The following RARB variants were observed in gnomAD, a reference collection of about 807,000 sequenced individuals.
RARB encodes the protein HBV-activated protein.
A neutral mutation model predicts 51.9 loss-of-function variants in RARB; 17 were observed. The observed-to-expected ratio is 0.33, with a 90% CI of 0.22 to 0.49. The LOEUF is 0.49. RARB is among the 20% of genes least tolerant of loss of function. The probability of loss-of-function intolerance (pLI) is 0.99; values close to 1 mark genes in which losing one functional copy is unlikely to be tolerated. For missense variants in RARB, 369 were observed against 550.8 expected (o/e 0.67, Z 3.30); for synonymous variants, 215 against 195.4 (o/e 1.10, Z -0.84).
At chr3:25,366,961 A>G (rs1306853744) in intron 5 of RARB, among the ~76,000 whole-genome samples, 1 of 152,098 alleles carries the variant, frequency 6.6e-6, no homozygotes, top group Non-Finnish European at 1.5e-5. Context: ...CAACAGGCAG[A>G]ATGTCGTAAA....
chr3:25,451,654 A>C (rs1378317653), intron 1 of RARB, among the ~76,000 whole-genome samples: 1 of 152,224 alleles, frequency 6.6e-6, no homozygotes, highest in Non-Finnish European at 1.5e-5. Flanking sequence ...ATCTTAGACG[A>C]GTGGCAAGGT....
intron 5 of RARB, among the ~76,000 whole-genome samples, chr3:25,196,393 C>T (rs1394619750): frequency 6.6e-6 from 1 of 152,150 alleles, no homozygotes; most frequent in Non-Finnish European, 1.5e-5. Flanking sequence ...CTACAAAAGA[C>T]ATTAACTCAT....
intron 5 of RARB, among the ~76,000 whole-genome samples, chr3:25,387,521 T>G (rs78590340): frequency 0.014 from 2,064 of 152,276 alleles, 55 homozygotes; most frequent in African/African-American, 0.047. Context: ...TTTTATAGTA[T>G]TCTTCTCTTA....
intron 5 of RARB, among the ~76,000 whole-genome samples, chr3:25,211,973 T>G (rs1701709669): frequency 6.6e-6 from 1 of 152,178 alleles, no homozygotes; most frequent in Admixed American, 6.5e-5. Flanking sequence ...GCCAATAATA[T>G]AAGGTCTATC....
Position 24,840,793 on chromosome 3 carries a change from G to A in RARB, c.-459+11390G>A, listed in dbSNP as rs192396050. On this transcript the variant is annotated intron_variant, in intron 1 of 11. Transcript: ENST00000383772. Reference sequence around the variant, plus strand: ...TGCAAAGATGACTTGGAGCACAAATGTAAAGATAACATTGAGCACAACCAC... The same window carrying A: ...TGCAAAGATGACTTGGAGCACAAATATAAAGATAACATTGAGCACAACCAC... Among the ~76,000 whole-genome samples the A allele has an allele frequency of 1.3e-4, 18 of 140,416 alleles. No individual in the cohort carries two copies. In the East Asian group the frequency reaches 3.6e-3, roughly 28 times the overall value. 92.1% of individuals were successfully genotyped at this position (140,416 alleles called of 152,430 possible).
chr3:25,554,673 G>T (rs865797329), intron 3 of RARB, among the ~76,000 whole-genome samples: 110 of 152,254 alleles, frequency 7.2e-4, no homozygotes, highest in African/African-American at 2.6e-3. Context: ...AGTTGCATAG[G>T]TTCGGCCTTA....
rs1058378 is a variant in RARB at position 25,597,903 on chromosome 3, T to A, written c.*1287T>A. 1 of 153,192 alleles carries A rather than the reference T, an allele frequency of 6.5e-6. No homozygotes were observed. The highest frequency in any genetic ancestry group is 1.5e-5 in the Non-Finnish European group (1 of 68,558). 9.5% of individuals were successfully genotyped at this position (153,192 alleles called of 1,614,324 possible). A position where few individuals can be genotyped will look rare whatever the true frequency, so the allele number is the denominator to read the frequency against. On this transcript the variant is annotated 3_prime_UTR_variant, in exon 8 of 8. Coordinates refer to ENST00000330688, the MANE Select transcript of RARB (RefSeq NM_000965.5). ...GTTTACCTTTTTCCATGGAGTCTCCTGGCAAAGAATAAAATATATTTATTT... is the reference window on the plus strand; with the variant it reads ...GTTTACCTTTTTCCATGGAGTCTCCAGGCAAAGAATAAAATATATTTATTT...
At chr3:25,211,570 G>A (rs565139644) in intron 5 of RARB, among the ~76,000 whole-genome samples, 1 of 152,288 alleles carries the variant, frequency 6.6e-6, no homozygotes, top group East Asian at 1.9e-4. Flanking sequence ...ATCAAGGGAT[G>A]GAGCAGCTGC....
intron 3 of RARB, among the ~76,000 whole-genome samples, chr3:25,091,841 T>C (rs1230405798): frequency 1.3e-5 from 2 of 152,192 alleles, no homozygotes; most frequent in Non-Finnish European, 2.9e-5. Context: ...TGTGATCATA[T>C]TGGTTTGGTC....
At chr3:25,267,405 G>A (rs986123716) in intron 5 of RARB, among the ~76,000 whole-genome samples, 2 of 152,212 alleles carry the variant, frequency 1.3e-5, no homozygotes, top group Admixed American at 1.3e-4. Context: ...CGCAACCCCC[G>A]TCTTTCACCT....
intron 4 of RARB, among the ~76,000 whole-genome samples, chr3:25,133,686 C>G (rs1296002114): frequency 6.6e-6 from 1 of 151,792 alleles, no homozygotes; most frequent in African/African-American, 2.4e-5. Context: ...TTTTTCAATA[C>G]AGCAGGCTTG....
chr3:25,195,589 C>G (rs1467184738), intron 5 of RARB, among the ~76,000 whole-genome samples: 1 of 151,922 alleles, frequency 6.6e-6, no homozygotes, highest in African/African-American at 2.4e-5. Flanking sequence ...TTCTTAGGAC[C>G]TTATAAAGTT....
intron 2 of RARB, among the ~76,000 whole-genome samples, chr3:24,971,820 A>G (rs536430152): frequency 4.0e-4 from 61 of 152,088 alleles, no homozygotes; most frequent in Non-Finnish European, 8.0e-4. Flanking sequence ...ATTAAGCAAA[A>G]TTTTGTGATT....
At chr3:25,178,544 C>T (rs1022587791) in intron 5 of RARB, among the ~76,000 whole-genome samples, 27 of 151,348 alleles carry the variant, frequency 1.8e-4, no homozygotes, top group Admixed American at 1.2e-3. Flanking sequence ...GACCCCAGAG[C>T]GCATGCCTTT....
rs183388650 is a variant in RARB, at chr3:24,922,105, C to A, written c.-380+63353C>A. On this transcript the variant is annotated intron_variant, in intron 2 of 11. Transcript: ENST00000383772. ...ATGTGTAAAATACAGATACCACTGT[C>A]TTATATAGGAAAGTATTTTATGAAA... Among the ~76,000 whole-genome samples, 134 of 152,268 alleles carry A rather than the reference C, an allele frequency of 8.8e-4. 1 individual carries two copies. Among genetic ancestry groups the A allele is most frequent in the African/African-American group, 3.0e-3 (123 of 41,572 alleles).
intron 2 of RARB, among the ~76,000 whole-genome samples, chr3:25,031,063 T>C (rs1471034106): frequency 1.3e-5 from 2 of 152,166 alleles, no homozygotes; most frequent in South Asian, 2.1e-4. Context: ...GGGCATGATA[T>C]GTTTTGTTGC....
intron 5 of RARB, among the ~76,000 whole-genome samples, chr3:25,243,584 T>C (rs1702483349): frequency 6.6e-6 from 1 of 152,238 alleles, no homozygotes; most frequent in East Asian, 1.9e-4. Context: ...GTTTTGTCAT[T>C]GGTTCTGTTT....
intron 4 of RARB, among the ~76,000 whole-genome samples, chr3:25,166,495 G>A (rs1000498831): frequency 6.6e-6 from 1 of 152,290 alleles, no homozygotes; most frequent in East Asian, 1.9e-4. Flanking sequence ...TATATGTAGT[G>A]TCTGTCAAAG....
intron 3 of RARB, among the ~76,000 whole-genome samples, chr3:25,082,666 TTTTAATAAA>T (rs1186674308): frequency 6.6e-6 from 1 of 152,120 alleles, no homozygotes; most frequent in Non-Finnish European, 1.5e-5. Context: ...ATCACTTCTC[TTTTAATAAA>T]TTAAGAAGCA....
Sources: allele counts gnomAD v4.1 joint callset (sites outside exome capture counted in the v4.1 genomes callset), GRCh38; gene constraint gnomAD v4.1.1; transcripts MANE v1.5; gene names NCBI Gene and HGNC (gene_info 2026-07-23, HGNC 2026-07-21).